RALGDS: variants seen among roughly 807,000 people sequenced by gnomAD.
RALGDS encodes ral guanine nucleotide dissociation stimulator.
A neutral mutation model predicts 99.8 loss-of-function variants in RALGDS; 44 were observed. The ratio of observed to expected loss-of-function variants is 0.44; its 90% CI spans 0.35 to 0.57. RALGDS has a LOEUF of 0.57. Ranked by LOEUF, RALGDS falls within the 20% of genes least tolerant of loss-of-function variation. The pLI is 0.01. For missense variants in RALGDS, 1,022 were observed against 1,203.1 expected (o/e 0.85, Z 2.23); for synonymous variants, 529 against 505.0 (o/e 1.05, Z -0.64).
At chr9:133,103,983 C>T (rs1457924978) in intron 10 of RALGDS, 150 bp from the exon 11 acceptor site, 3 of 867,938 alleles carry the variant, frequency 3.5e-6, no homozygotes, top group South Asian at 2.8e-5. Flanking sequence ...CTCCCTCTAG[C>T]CATCTCCCTG....
chr9:133,102,912 G>T lies in RALGDS; in HGVS notation c.1792-12C>A. The T allele has an allele frequency of 6.2e-7, 1 of 1,612,646 alleles. No homozygotes were observed. The highest frequency in any genetic ancestry group is 1.1e-5 in the South Asian group (1 of 90,832). On this transcript the variant is annotated splice_polypyrimidine_tract_variant and intron_variant, in intron 12 of 17. Transcript: ENST00000372050. ...ATCACCTCGAACTCCTGGGGCCAGA[G>T]GGAAGCACAGGGCGGTGACAAGGCC...
At chr9:133,135,331 C>T (rs1026701722), upstream of RALGDS, among the ~76,000 whole-genome samples, 1 of 152,212 alleles carries the variant, frequency 6.6e-6, no homozygotes, top group Non-Finnish European at 1.5e-5. Flanking sequence ...CCAGGCAGGA[C>T]AGTAATTCAG....
chr9:133,142,046 C>T (rs888584239), intron 1 of RALGDS, among the ~76,000 whole-genome samples: 8 of 152,220 alleles, frequency 5.3e-5, no homozygotes, highest in Non-Finnish European at 1.2e-4. Flanking sequence ...TCTGACCTTG[C>T]GTTTTCTGAC....
At chr9:133,133,122 T>C (rs1367855188), upstream of RALGDS, among the ~76,000 whole-genome samples, 5 of 151,448 alleles carry the variant, frequency 3.3e-5, no homozygotes, top group African/African-American at 1.2e-4. Flanking sequence ...AATAGCCCAC[T>C]CCAGCCCAGC....
At chr9:133,110,056 G>A (rs1181837274) in intron 3 of RALGDS, among the ~76,000 whole-genome samples, 2 of 152,150 alleles carry the variant, frequency 1.3e-5, no homozygotes, top group African/African-American at 4.8e-5. Flanking sequence ...TCATAAAAAC[G>A]AGCACCACAG....
At chr9:133,131,153 T>G (rs1832322647), upstream of RALGDS, 1 of 1,422,240 alleles carries the variant, frequency 7.0e-7, no homozygotes, top group Non-Finnish European at 9.1e-7. Context: ...CCTGCTCCTC[T>G]GAGCATCTCA....
intron 7 of RALGDS, among the ~76,000 whole-genome samples, 147 bp downstream of exon 7, chr9:133,106,927 AAGGAAGACGTG>A (rs143541822): frequency 0.019 from 2,948 of 152,284 alleles, 97 homozygotes; most frequent in African/African-American, 0.065. Flanking sequence ...GAAAGAGTGT[AAGGAAGACGTG>A]AGCATCCAGG....
chr9:133,125,702 C>T (rs1288121340), upstream of RALGDS, among the ~76,000 whole-genome samples: 2 of 152,284 alleles, frequency 1.3e-5, no homozygotes, highest in South Asian at 2.1e-4. Context: ...CACCACCGCA[C>T]TCCAGCCTGG....
At position 133,108,882 on chromosome 9, in the gene RALGDS, T is replaced by C. The variant is rs1396453750; in HGVS notation, c.585-16A>G. On this transcript the variant is annotated splice_polypyrimidine_tract_variant and intron_variant, in intron 4 of 17. Transcript: ENST00000372050. ...GGAGATGGCACTGGGGACAGGTGGG[T>C]GGCAGCAGAGTCAGAGGCCTGGGCT... The C allele has an allele frequency of 1.2e-6, 2 of 1,605,162 alleles. No individual in the cohort carries two copies. Among genetic ancestry groups the C allele is most frequent in the South Asian group, 2.2e-5 (2 of 90,586 alleles).
intron 1 of RALGDS, among the ~76,000 whole-genome samples, chr9:133,127,015 G>C (rs1237233548): frequency 6.6e-6 from 1 of 152,172 alleles, no homozygotes; most frequent in Non-Finnish European, 1.5e-5. Context: ...TGTGGCCCCA[G>C]CTCCCCACTC....
chr9:133,112,355 C>CCTGGGACGTGATTATGATGAGT (rs1831389612), intron 1 of RALGDS, among the ~76,000 whole-genome samples: 1 of 152,108 alleles, frequency 6.6e-6, no homozygotes, highest in Admixed American at 6.5e-5. Flanking sequence ...CCAGCCACGA[C>CCTGGGACGTGATTATGATGAGT]CTGGGACGTG....
intron 1 of RALGDS, among the ~76,000 whole-genome samples, chr9:133,139,038 G>A (rs928928943): frequency 7.2e-5 from 11 of 152,244 alleles, no homozygotes; most frequent in Admixed American, 6.5e-4. Context: ...GTCCCCACAC[G>A]CAGCCACACA....
At chr9:133,103,714 G>T (rs201117518) in intron 11 of RALGDS, 33 bp downstream of exon 11, 1 of 1,605,358 alleles carries the variant, frequency 6.2e-7, no homozygotes, top group Non-Finnish European at 8.5e-7. Flanking sequence ...CTCTCCTCCC[G>T]GGCCCTACTC....
chr9:133,100,212 T>C, intron 17 of RALGDS, 56 bp downstream of exon 17: 1 of 1,486,114 alleles, frequency 6.7e-7, no homozygotes, highest in Non-Finnish European at 9.4e-7. Flanking sequence ...AACCTGGGGC[T>C]GGGGAGTGGT....
upstream of RALGDS, among the ~76,000 whole-genome samples, chr9:133,134,227 C>T (rs1300973045): frequency 2.6e-5 from 4 of 152,198 alleles, no homozygotes; most frequent in African/African-American, 9.6e-5. Flanking sequence ...CCTGGCATCC[C>T]CTCCCTCTTT....
chr9:133,106,047 G>A (rs371963376), intron 8 of RALGDS, 31 bp from the exon 9 acceptor site: 65 of 1,560,744 alleles, frequency 4.2e-5, no homozygotes, highest in Middle Eastern at 3.4e-4. Context: ...GAAAGAGAAA[G>A]CTGGGAATGG....
chr9:133,146,270 C>G (rs1198732402), intron 1 of RALGDS, among the ~76,000 whole-genome samples: 1 of 152,170 alleles, frequency 6.6e-6, no homozygotes, highest in Non-Finnish European at 1.5e-5. Flanking sequence ...TCACTGCACT[C>G]ATCACCTCCC....
chr9:133,127,872 C>A (rs1310257676), intron 1 of RALGDS, among the ~76,000 whole-genome samples: 1 of 152,246 alleles, frequency 6.6e-6, no homozygotes, highest in African/African-American at 2.4e-5. Context: ...TCACGGGGCG[C>A]TGCCGTCCCA....
chr9:133,148,887 C>A, intron 1 of RALGDS: 3 of 1,540,832 alleles, frequency 1.9e-6, no homozygotes, highest in East Asian at 2.4e-5. Flanking sequence ...GGGCTCCCTC[C>A]CCCCGGTGGG....
Sources: allele counts gnomAD v4.1 joint callset (sites outside exome capture counted in the v4.1 genomes callset), GRCh38; gene constraint gnomAD v4.1.1; transcripts MANE v1.5; gene names NCBI Gene and HGNC (gene_info 2026-07-23, HGNC 2026-07-21).